The following MYO7B variants were observed in gnomAD, a reference collection of about 807,000 sequenced individuals.
MYO7B encodes unconventional myosin-VIIb.
Under a neutral mutation model 259.7 loss-of-function variants are expected in MYO7B, and 212 were observed. The observed-to-expected ratio is 0.82, with a 90% CI of 0.73 to 0.91. MYO7B has a LOEUF of 0.91. Among genes scored for constraint, MYO7B ranks in the 40% least tolerant of loss-of-function variants. The probability of loss-of-function intolerance (pLI) is 0.00; values close to 1 mark genes in which losing one functional copy is unlikely to be tolerated. For missense variants in MYO7B, 2,732 were observed against 2,813.5 expected (o/e 0.97, Z 0.66); for synonymous variants, 1,197 against 1,166.4 (o/e 1.03, Z -0.54).
intron 1 of MYO7B, among the ~76,000 whole-genome samples, chr2:127,548,667 G>T (rs1035636636): frequency 2.5e-4 from 38 of 152,172 alleles, no homozygotes; most frequent in Non-Finnish European, 5.3e-4. Flanking sequence ...ACCCGCCTCG[G>T]CCTCCCAAAG....
rs781416450 is a variant in MYO7B, at chr2:127,628,317, G to T, written c.4461-55G>T. The T allele has an allele frequency of 1.0e-5, 16 of 1,554,396 alleles. No homozygotes were observed. Among genetic ancestry groups the T allele is most frequent in the Non-Finnish European group, 1.4e-5 (16 of 1,152,874 alleles). On this transcript the variant is annotated intron_variant, in intron 33 of 47. Transcript: ENST00000409816. This position sits in a 1 kb window ranked among gnomAD's most constrained non-coding sequence, Gnocchi z 4.8. Reference sequence around the variant, plus strand: ...CCCCACCTCCCGAGGCTGTTTAGGGGCTGGATCAGGGGAAGGTGGAGGGGG... The same window carrying T: ...CCCCACCTCCCGAGGCTGTTTAGGGTCTGGATCAGGGGAAGGTGGAGGGGG...
In MYO7B at chr2:127,584,143, C is replaced by T. The variant is rs1291783220; in HGVS notation, c.1365C>T (p.Asn455=). The T allele has an allele frequency of 6.2e-7, 1 of 1,613,456 alleles. No homozygotes were observed. Among genetic ancestry groups the T allele is most frequent in the Non-Finnish European group, 8.5e-7 (1 of 1,179,724 alleles). ...ACAGCTTCGAGCAGCTCTGCATCAA[C>T]TTCGCCAACGAGCACCTGCAGCAGT... ...ENNSFEQLCI[N]FANEHLQQFF... Residue 455 remains asparagine, a synonymous_variant, in exon 13 of 48, where the codon AAC becomes AAT. Transcript: ENST00000409816. This position sits in a 1 kb window ranked among gnomAD's most constrained non-coding sequence, Gnocchi z 5.8.
At chr2:127,634,929 C>G (rs1052377261) in intron 42 of MYO7B, 191 bp from the exon 43 acceptor site, 6 of 641,180 alleles carry the variant, frequency 9.4e-6, no homozygotes, top group African/African-American at 7.3e-5. Flanking sequence ...GCTGGGAGTG[C>G]GAGTCCAGGA....
rs759667966 is a variant in MYO7B at position 127,590,119 on chromosome 2, A to G, written c.1882A>G (p.Thr628Ala). 7 of 1,598,406 alleles carry G rather than the reference A, an allele frequency of 4.4e-6. No homozygotes were observed. The South Asian group carries it at 4.5e-5, about 10-fold the overall frequency. ...TGCAGACTCAAATAAACGGCCCTCC[A>G]CCTTAGGAAGCCAGTTCAAACAGTC... Reference protein sequence around the residue: ...KSADSNKRPSTLGSQFKQSLD... With the variant: ...KSADSNKRPSALGSQFKQSLD... The change falls in exon 16 of 48, where the codon ACC (threonine) becomes GCC (alanine). Residue 628 changes from threonine to alanine, a missense_variant. By Grantham distance (58) the Thr-to-Ala change is moderately conservative. Transcript: ENST00000409816. This position sits in a 1 kb window ranked among gnomAD's most constrained non-coding sequence, Gnocchi z 4.6.
rs1463998050 is a variant in MYO7B at position 127,631,283 on chromosome 2, G to A, written c.5015G>A (p.Cys1672Tyr). 4.6e-5 allele frequency: 74 copies of A among 1,612,032 alleles called. No homozygotes were observed. The highest frequency in any genetic ancestry group is 6.0e-5 in the Non-Finnish European group (71 of 1,179,410). Reference protein sequence around the residue: ...RARGHLWAYSCEPLRQPLLKR... With the variant: ...RARGHLWAYSYEPLRQPLLKR... ...CGTGGCCACCTGTGGGCCTATTCCT[G>A]CGAGCCGCTGCGACAGCCGCTGCTC... The change falls in exon 37 of 48, where the codon TGC (cysteine) becomes TAC (tyrosine). Residue 1672 changes from cysteine to tyrosine, a missense_variant. By Grantham distance (194) the Cys-to-Tyr change is radical (BLOSUM62 -2). Transcript: ENST00000409816.
In MYO7B at chr2:127,607,485, C is replaced by T; in HGVS notation, c.2643+61C>T. 1 of 1,447,362 alleles carries T rather than the reference C, an allele frequency of 6.9e-7. No homozygotes were observed. The allele number at this position is 1,447,362 out of a possible 1,614,324, so 89.7% of individuals were successfully genotyped here. A position where few individuals can be genotyped will look rare whatever the true frequency, so the allele number is the denominator to read the frequency against. On this transcript the variant is annotated intron_variant, in intron 21 of 47. Coordinates refer to ENST00000409816, the MANE Select transcript of MYO7B (RefSeq NM_001393586.1). The surrounding 1 kb of genome is among the most constrained non-coding windows in gnomAD (Gnocchi z 4.4). ...TGGCTGGGGCCCCAGTGGGTGAGGG[C>T]AAGAAGGAGTGAGCGGCTGTGTAGA...
intron 39 of MYO7B, 51 bp downstream of exon 39, chr2:127,632,452 G>A: frequency 6.7e-7 from 1 of 1,492,460 alleles, no homozygotes; most frequent in Non-Finnish European, 8.9e-7. Context: ...CCGCAGACCT[G>A]GGATGCTGTG....
intron 19 of MYO7B, 121 bp from the exon 20 acceptor site, chr2:127,605,723 T>C: frequency 1.2e-6 from 1 of 824,322 alleles, no homozygotes; most frequent in Non-Finnish European, 1.9e-6. Context: ...GAAAGGATTG[T>C]ACGTATTCAT....
chr2:127,559,882 G>T lies in MYO7B; in HGVS notation c.18+142G>T. 2.0e-6 allele frequency: 2 copies of T among 996,238 alleles called. No homozygotes were observed. The highest frequency in any genetic ancestry group is 2.7e-5 in the South Asian group (2 of 73,418). The allele number at this position is 996,238 out of a possible 1,614,324, so 61.7% of individuals were successfully genotyped here. A position where few individuals can be genotyped will look rare whatever the true frequency, so the allele number is the denominator to read the frequency against. On this transcript the variant is annotated intron_variant, in intron 2 of 47. Transcript: ENST00000409816. The surrounding 1 kb of genome is among the most constrained non-coding windows in gnomAD (Gnocchi z 4.1). ...ACAGGGGAGTTTAGGAAACACGACA[G>T]ATTCTAGCATCTAAAGAAAACAAGT...
intron 20 of MYO7B, among the ~76,000 whole-genome samples, chr2:127,606,286 C>CTAATTTT (rs1680155153): frequency 6.6e-6 from 1 of 152,216 alleles, no homozygotes; most frequent in Non-Finnish European, 1.5e-5. Context: ...GTACCTTTTC[C>CTAATTTT]TAATTTTTTC....
intron 26 of MYO7B, among the ~76,000 whole-genome samples, chr2:127,618,310 G>T (rs1489467251): frequency 6.6e-6 from 1 of 152,174 alleles, no homozygotes. Flanking sequence ...TGTTTTAAAG[G>T]GGCCAGGGGA....
chr2:127,636,719 C>T lies in MYO7B; in HGVS notation c.6208-75C>T. 1 of 1,610,694 alleles carries T rather than the reference C, an allele frequency of 6.2e-7. No homozygotes were observed. The highest frequency in any genetic ancestry group is 8.5e-7 in the Non-Finnish European group (1 of 1,178,184). ...CAGTCATCTCTGCGGTGTGTCCTGCCTCTCTCCTGTCCCCTAACACACACA... is the reference window on the plus strand; with the variant it reads ...CAGTCATCTCTGCGGTGTGTCCTGCTTCTCTCCTGTCCCCTAACACACACA... On this transcript the variant is annotated intron_variant, in intron 46 of 47. Coordinates refer to ENST00000409816, the MANE Select transcript of MYO7B (RefSeq NM_001393586.1). The surrounding 1 kb of genome is among the most constrained non-coding windows in gnomAD (Gnocchi z 4.5).
intron 7 of MYO7B, 93 bp downstream of exon 7, chr2:127,574,155 T>TC: frequency 6.6e-7 from 1 of 1,507,280 alleles, no homozygotes; most frequent in Non-Finnish European, 9.0e-7. Context: ...CCTCCCCTCT[T>TC]CCCCAAGGGC....
intron 1 of MYO7B, among the ~76,000 whole-genome samples, chr2:127,542,130 G>A (rs750950177): frequency 6.6e-6 from 1 of 152,192 alleles, no homozygotes; most frequent in Non-Finnish European, 1.5e-5. Context: ...ATATATCTCC[G>A]GCACTGTCAG....
rs767725416 is a variant in MYO7B at position 127,627,366 on chromosome 2, GGGGGCTCGGGGAGAGAT to G, written c.4460+61_4460+77del. On this transcript the variant is annotated intron_variant, in intron 33 of 47. Transcript: ENST00000409816. This position sits in a 1 kb window ranked among gnomAD's most constrained non-coding sequence, Gnocchi z 5.6. ...CACACTGAGTCCTTGTGATGCATCT[GGGGGCTCGGGGAGAGAT>G]GGGGAGAGGGGCAGTGTGCCGTCCC... The G allele has an allele frequency of 2.5e-6, 4 of 1,588,154 alleles. No homozygotes were observed. Among genetic ancestry groups the G allele is most frequent in the Non-Finnish European group, 3.4e-6 (4 of 1,164,318 alleles).
intron 14 of MYO7B, 94 bp from the exon 15 acceptor site, chr2:127,588,298 C>A: frequency 7.0e-7 from 1 of 1,423,698 alleles, no homozygotes; most frequent in Non-Finnish European, 9.5e-7. Flanking sequence ...GGCTCCTCCA[C>A]GCATCCTGTA....
At position 127,607,193 on chromosome 2, in the gene MYO7B, CTT is replaced by C. The variant is rs1287543831; in HGVS notation, c.2425-12_2425-11del. The C allele has an allele frequency of 2.6e-6, 4 of 1,543,508 alleles. No individual in the cohort carries two copies. The African/African-American group carries it at 5.5e-5, about 21-fold the overall frequency. ...TTCTTGCCCCTGATCTCACCTCTCT[CTT>C]GCCTCCGCAGATCCTCGTGGGCTTT... On this transcript the variant is annotated splice_polypyrimidine_tract_variant and intron_variant, in intron 20 of 47. Transcript: ENST00000409816. This position sits in a 1 kb window ranked among gnomAD's most constrained non-coding sequence, Gnocchi z 4.4.
rs1315474109 is a variant in MYO7B, at chr2:127,628,153, A to C, written c.4461-219A>C. ...TATCTGCCCACAGCCAACCCCACAC[A>C]TGGGCTGCACCACTCTCAGCCTCCG... On this transcript the variant is annotated intron_variant, in intron 33 of 47. Transcript: ENST00000409816. The surrounding 1 kb of genome is among the most constrained non-coding windows in gnomAD (Gnocchi z 4.8). 1 of 686,154 alleles carries C rather than the reference A, an allele frequency of 1.5e-6. No individual in the cohort carries two copies. Among genetic ancestry groups the C allele is most frequent in the Admixed American group, 2.0e-5 (1 of 49,162 alleles). The allele number at this position is 686,154 out of a possible 1,614,324, so 42.5% of individuals were successfully genotyped here. A position where few individuals can be genotyped will look rare whatever the true frequency, so the allele number is the denominator to read the frequency against.
intron 27 of MYO7B, 117 bp from the exon 28 acceptor site, chr2:127,621,865 G>A (rs1680854137): frequency 7.1e-7 from 1 of 1,399,148 alleles, no homozygotes; most frequent in Non-Finnish European, 9.9e-7. Context: ...GTGTGAGGGT[G>A]CCCCTCAATG....
Sources: allele counts gnomAD v4.1 joint callset (sites outside exome capture counted in the v4.1 genomes callset), GRCh38; gene constraint gnomAD v4.1.1; non-coding constraint Gnocchi (gnomAD v3.1); transcripts MANE v1.5; gene names NCBI Gene and HGNC (gene_info 2026-07-23, HGNC 2026-07-21).